Variants in FHOD3 observed in about 807,000 individuals in gnomAD.
The protein encoded by FHOD3 is formin homology 2 domain containing 3.
A neutral mutation model predicts 173.0 loss-of-function variants in FHOD3; 90 were observed. The observed-to-expected ratio is 0.52, with a 90% CI of 0.44 to 0.62. The LOEUF is 0.62. Ranked by LOEUF, FHOD3 falls within the 20% of genes least tolerant of loss-of-function variation. The pLI, the probability that FHOD3 is intolerant of heterozygous loss-of-function variation, is 0.00. For missense variants in FHOD3, 1,945 were observed against 2,034.7 expected, an observed-to-expected ratio of 0.96 and a Z score of 0.85; for synonymous variants, 828 against 823.0, an observed-to-expected ratio of 1.01 and a Z score of -0.10.
In FHOD3 at chr18:36,709,384, G is replaced by C. The variant is rs1391860261; in HGVS notation, c.2526G>C (p.Arg842Ser). 3 of 1,611,710 alleles carry C rather than the reference G, an allele frequency of 1.9e-6. No individual in the cohort carries two copies. Among genetic ancestry groups the C allele is most frequent in the East Asian group, 4.5e-5 (2 of 44,838 alleles). Residue 842 changes from arginine (R) to serine (S), a missense_variant, in exon 18 of 29, where the codon AGG becomes AGC. This residue lies in a region of FHOD3 where 1,099 missense variants were observed against 1,051.2 expected (regional missense o/e 1.05). Transcript: ENST00000590592. ...AGGAGGACAAGCTCTCCAGGGACAG[G>C]ACAACTGGTAAATGAAGCCCCTTGT... Reference protein sequence around the residue: ...EEKEDKLSRDRTTGLWPAGVQ... With the variant: ...EEKEDKLSRDSTTGLWPAGVQ...
At chr18:36,726,125 T>C (rs2041052892) in intron 19 of FHOD3, among the ~76,000 whole-genome samples, 1 of 150,768 alleles carries the variant, frequency 6.6e-6, no homozygotes, top group African/African-American at 2.4e-5. Flanking sequence ...CCAATATATG[T>C]ATTACTTTTA....
intron 1 of FHOD3, among the ~76,000 whole-genome samples, chr18:36,335,311 A>C (rs62084127): frequency 8.6e-5 from 13 of 151,632 alleles, no homozygotes; most frequent in Admixed American, 4.6e-4. Context: ...CTGGCTAACA[A>C]GGTGAAACCC....
chr18:36,748,026 G>C (rs1158533206), intron 24 of FHOD3, among the ~76,000 whole-genome samples: 4 of 152,106 alleles, frequency 2.6e-5, no homozygotes, highest in Admixed American at 6.5e-5. Flanking sequence ...GCTTGTGTCA[G>C]TTTCTGCTTT....
chr18:36,758,724 G>A (rs976824897), intron 25 of FHOD3, among the ~76,000 whole-genome samples: 13 of 152,214 alleles, frequency 8.5e-5, no homozygotes, highest in South Asian at 2.1e-4. Flanking sequence ...CTGTCAGGCC[G>A]TGATGGGTTC....
At chr18:36,757,853 G>A (rs1840345734) in intron 25 of FHOD3, among the ~76,000 whole-genome samples, 1 of 152,124 alleles carries the variant, frequency 6.6e-6, no homozygotes, top group Non-Finnish European at 1.5e-5. Context: ...AAGGCAACAC[G>A]AGGCACCTAC....
chr18:36,719,508 A>C (rs887989017), intron 19 of FHOD3, among the ~76,000 whole-genome samples: 11 of 152,218 alleles, frequency 7.2e-5, no homozygotes, highest in African/African-American at 2.7e-4. Context: ...GCTGACTTTT[A>C]AAAACCCATT....
chr18:36,714,733 A>G (rs957015456), intron 18 of FHOD3, among the ~76,000 whole-genome samples: 3 of 152,096 alleles, frequency 2.0e-5, no homozygotes, highest in East Asian at 3.9e-4. Flanking sequence ...ATTTTTTGCT[A>G]TTATCCTCAG....
chr18:36,767,234 G>C (rs772782840), intron 27 of FHOD3, among the ~76,000 whole-genome samples: 1 of 151,986 alleles, frequency 6.6e-6, no homozygotes, highest in Non-Finnish European at 1.5e-5. Flanking sequence ...AGCACAAAAA[G>C]TACAATCTAC....
At chr18:36,529,765 A>G (rs1039457346) in intron 5 of FHOD3, among the ~76,000 whole-genome samples, 30 of 152,124 alleles carry the variant, frequency 2.0e-4, no homozygotes, top group Admixed American at 1.6e-3. Context: ...GCGCCACTGC[A>G]CTCCAGCCTG....
chr18:36,774,973 A>G (rs2043560096), intron 28 of FHOD3, among the ~76,000 whole-genome samples: 1 of 152,194 alleles, frequency 6.6e-6, no homozygotes, highest in Non-Finnish European at 1.5e-5. Context: ...CATATAATGG[A>G]CAGGATTTTA....
At chr18:36,501,579 C>G (rs2055034134) in intron 3 of FHOD3, among the ~76,000 whole-genome samples, 1 of 152,076 alleles carries the variant, frequency 6.6e-6, no homozygotes, top group African/African-American at 2.4e-5. Context: ...GGTCTGCAAA[C>G]AGCTGGAAAT....
At chr18:36,396,128 GATA>G (rs2048544582) in intron 3 of FHOD3, among the ~76,000 whole-genome samples, 1 of 152,066 alleles carries the variant, frequency 6.6e-6, no homozygotes, top group South Asian at 2.1e-4. Flanking sequence ...AAAGTCTGAT[GATA>G]ATAAGCTTTT....
chr18:36,711,319 C>T (rs116993957), intron 18 of FHOD3: 34 of 152,274 alleles, frequency 2.2e-4, no homozygotes, highest in Non-Finnish European at 3.1e-4. Context: ...TATTCTCAAA[C>T]GTATTTCTAA....
At chr18:36,328,155 C>A (rs1262274331) in intron 1 of FHOD3, among the ~76,000 whole-genome samples, 1 of 152,138 alleles carries the variant, frequency 6.6e-6, no homozygotes, top group Non-Finnish European at 1.5e-5. Context: ...GGACAAAGTT[C>A]CTGACCGCAT....
chr18:36,321,076 AT>A (rs5824009), intron 1 of FHOD3, among the ~76,000 whole-genome samples: 31 of 148,148 alleles, frequency 2.1e-4, no homozygotes, highest in South Asian at 6.4e-4. Flanking sequence ...ATTTCCTGTG[AT>A]TTTTTTTTTT....
intron 8 of FHOD3, 26 bp downstream of exon 8, chr18:36,602,794 A>G (rs754796615): frequency 8.4e-6 from 13 of 1,541,988 alleles, no homozygotes; most frequent in Non-Finnish European, 1.1e-5. Flanking sequence ...TATGGGTTGA[A>G]TTGCGTCACC....
intron 7 of FHOD3, among the ~76,000 whole-genome samples, chr18:36,601,356 T>C (rs2031356237): frequency 6.6e-6 from 1 of 152,246 alleles, no homozygotes; most frequent in Admixed American, 6.5e-5. Context: ...ATTCTTTGTT[T>C]AATCCTCTTA....
chr18:36,446,473 A>C (rs961772424), intron 3 of FHOD3, among the ~76,000 whole-genome samples: 12 of 150,044 alleles, frequency 8.0e-5, no homozygotes, highest in African/African-American at 3.0e-4. Context: ...GCTCCCAGAG[A>C]GGTCAGGCCT....
At chr18:36,681,323 C>A in intron 14 of FHOD3, 113 bp from the exon 15 acceptor site, 1 of 1,278,462 alleles carries the variant, frequency 7.8e-7, no homozygotes, top group East Asian at 2.4e-5. Context: ...TTTCCCCAAG[C>A]ATTGCCTAGG....
Sources: gnomAD v4.1 joint callset for allele counts (sites outside exome capture counted in the v4.1 genomes callset) on GRCh38, gnomAD v4.1.1 for gene constraint, gnomAD v4.1.1 regional missense constraint, MANE v1.5 for transcripts, NCBI Gene and HGNC (gene_info 2026-07-23, HGNC 2026-07-21) for gene names.